The following CAMTA1 variants were observed in gnomAD, a reference collection of about 807,000 sequenced individuals.
CAMTA1 encodes the protein calmodulin binding transcription activator 1.
A neutral mutation model predicts 170.9 loss-of-function variants in CAMTA1; 27 were observed. The ratio of observed to expected loss-of-function variants is 0.16; its 90% CI spans 0.12 to 0.22. The LOEUF is 0.22. CAMTA1 is among the 10% of genes least tolerant of loss of function. The probability of loss-of-function intolerance (pLI) is 1.00; values close to 1 mark genes in which losing one functional copy is unlikely to be tolerated. For synonymous variants in CAMTA1, 833 were observed against 891.5 expected (o/e 0.93, Z 1.17); for missense variants, 1,619 against 2,217.2 (o/e 0.73, Z 5.42).
At chr1:7,531,750 C>G (rs1481421456) in intron 6 of CAMTA1, among the ~76,000 whole-genome samples, 1 of 152,216 alleles carries the variant, frequency 6.6e-6, no homozygotes, top group Non-Finnish European at 1.5e-5. Flanking sequence ...CTTCTGAGAA[C>G]AGCATCACTG....
intron 9 of CAMTA1, among the ~76,000 whole-genome samples, chr1:7,669,175 T>A (rs1558094378): frequency 6.6e-6 from 1 of 152,170 alleles, no homozygotes; most frequent in African/African-American, 2.4e-5. Context: ...TGTTTCTCGG[T>A]CCTGAGCTCT....
chr1:7,526,305 C>T (rs185801477), intron 6 of CAMTA1, among the ~76,000 whole-genome samples: 1 of 152,188 alleles, frequency 6.6e-6, no homozygotes, highest in East Asian at 1.9e-4. Context: ...TCTCCCCGAG[C>T]TCCCCCACCG....
intron 11 of CAMTA1, among the ~76,000 whole-genome samples, chr1:7,683,211 G>A (rs1424519578): frequency 6.7e-6 from 1 of 149,230 alleles, no homozygotes; most frequent in African/African-American, 2.5e-5. Context: ...AACATACAAT[G>A]TACACTGAGA....
intron 11 of CAMTA1, among the ~76,000 whole-genome samples, chr1:7,699,094 G>A (rs918844066): frequency 1.2e-4 from 18 of 151,974 alleles, no homozygotes; most frequent in African/African-American, 4.4e-4. Flanking sequence ...ATTCTCCTTT[G>A]TCTATGTGTG....
intron 10 of CAMTA1, 77 bp downstream of exon 10, chr1:7,671,114 G>A: frequency 3.9e-6 from 6 of 1,536,650 alleles, no homozygotes; most frequent in Non-Finnish European, 5.3e-6. Context: ...TGGCCTTGGG[G>A]TGACCTTGAG....
chr1:7,157,308 G>T (rs1264822294), intron 4 of CAMTA1, among the ~76,000 whole-genome samples: 1 of 126,864 alleles, frequency 7.9e-6, no homozygotes, highest in Admixed American at 9.9e-5. Context: ...TCGCTCCACT[G>T]CACTCCAGCC....
intron 12 of CAMTA1, among the ~76,000 whole-genome samples, chr1:7,734,154 T>C (rs2096753766): frequency 6.6e-6 from 1 of 152,122 alleles, no homozygotes; most frequent in South Asian, 2.1e-4. Flanking sequence ...CCCACCTTGG[T>C]CAGACTGGTC....
intron 1 of CAMTA1, among the ~76,000 whole-genome samples, chr1:6,786,165 C>CG (rs1450018098): frequency 2.0e-5 from 3 of 151,930 alleles, no homozygotes; most frequent in African/African-American, 4.8e-5. Context: ...CCTGAGCGGG[C>CG]GGGGGGTCCC....
At chr1:7,750,152 G>A (rs1053116835) in intron 19 of CAMTA1, among the ~76,000 whole-genome samples, 4 of 152,224 alleles carry the variant, frequency 2.6e-5, no homozygotes, top group Admixed American at 6.5e-5. Flanking sequence ...CAGGGGCTCT[G>A]TAGTCTGCAG....
chr1:7,073,070 G>T (rs184943619), intron 3 of CAMTA1, among the ~76,000 whole-genome samples: 16 of 152,296 alleles, frequency 1.1e-4, no homozygotes, highest in African/African-American at 3.6e-4. Flanking sequence ...TTGAACCAAG[G>T]CGGCAGCAAT....
At chr1:7,410,490 A>C (rs974803925) in intron 5 of CAMTA1, among the ~76,000 whole-genome samples, 1 of 152,270 alleles carries the variant, frequency 6.6e-6, no homozygotes, top group African/African-American at 2.4e-5. Context: ...GCCAGACCAC[A>C]ATTCCTGATT....
At position 7,444,941 on chromosome 1, in the gene CAMTA1, G is replaced by A. The variant is rs187984076; in HGVS notation, c.439-22889G>A. ...TGAGTGTGACATGTTCCTGCTTCCC[G>A]TAAAATTTGCCCGCCTAGCTGGGGA... is the stretch of plus-strand genomic sequence containing the variant. On this transcript the variant is annotated intron_variant, in intron 5 of 22. Coordinates refer to ENST00000303635, the MANE Select transcript of CAMTA1 (RefSeq NM_015215.4). Among the ~76,000 whole-genome samples the A allele has an allele frequency of 3.2e-4, 48 of 151,978 alleles. No homozygotes were observed. In the East Asian group the frequency reaches 3.7e-3, roughly 12 times the overall value.
Position 7,631,264 on chromosome 1 carries a change from A to G in CAMTA1, c.511-9136A>G, listed in dbSNP as rs545378142. Among the ~76,000 whole-genome samples the G allele has an allele frequency of 3.9e-5, 6 of 152,286 alleles. No homozygotes were observed. The East Asian group carries it at 5.8e-4, about 15-fold the overall frequency. On this transcript the variant is annotated intron_variant, in intron 6 of 22. Coordinates refer to ENST00000303635, the MANE Select transcript of CAMTA1 (RefSeq NM_015215.4). ...TCCCTGGACCTACTTTTGCTCTGGC[A>G]TAGACATGAACTGGGCTGCTGCCAC... is the stretch of plus-strand genomic sequence containing the variant.
chr1:7,440,296 C>T (rs768680956), intron 5 of CAMTA1, among the ~76,000 whole-genome samples: 8 of 152,242 alleles, frequency 5.3e-5, no homozygotes, highest in African/African-American at 1.4e-4. Context: ...TCGGGAGCCC[C>T]GACCTCTTCC....
At chr1:7,045,391 G>A (rs888339859) in intron 3 of CAMTA1, among the ~76,000 whole-genome samples, 1 of 152,094 alleles carries the variant, frequency 6.6e-6, no homozygotes, top group Non-Finnish European at 1.5e-5. Flanking sequence ...TGTTCATTCT[G>A]TCCTCAGCTG....
At chr1:7,306,807 G>A (rs1292292169) in intron 5 of CAMTA1, among the ~76,000 whole-genome samples, 3 of 151,464 alleles carry the variant, frequency 2.0e-5, no homozygotes, top group Non-Finnish European at 4.4e-5. Context: ...ATTCTACGTT[G>A]GTGGATTGAA....
intron 16 of CAMTA1, among the ~76,000 whole-genome samples, chr1:7,743,159 T>A (rs2096830741): frequency 6.6e-6 from 1 of 151,610 alleles, no homozygotes; most frequent in Non-Finnish European, 1.5e-5. Flanking sequence ...TGGCCCAATA[T>A]ATTTTTCTTA....
intron 4 of CAMTA1, among the ~76,000 whole-genome samples, chr1:7,179,883 T>C (rs1474262300): frequency 1.3e-5 from 2 of 152,034 alleles, no homozygotes; most frequent in African/African-American, 4.8e-5. Flanking sequence ...ATAGTAAGGA[T>C]AAAAGCAGAA....
At chr1:6,961,114 C>A (rs541963903) in intron 3 of CAMTA1, among the ~76,000 whole-genome samples, 1 of 152,276 alleles carries the variant, frequency 6.6e-6, no homozygotes, top group African/African-American at 2.4e-5. Context: ...GGAATGAATT[C>A]TCATTTCACT....
Sources: gnomAD v4.1 joint callset for allele counts (sites outside exome capture counted in the v4.1 genomes callset) on GRCh38, gnomAD v4.1.1 for gene constraint, MANE v1.5 for transcripts, NCBI Gene and HGNC (gene_info 2026-07-23, HGNC 2026-07-21) for gene names.